The following PCDH15 variants were observed in gnomAD, a reference collection of about 807,000 sequenced individuals.
PCDH15 encodes the protein protocadherin related 15.
Under a neutral mutation model 178.5 loss-of-function variants are expected in PCDH15, and 129 were observed. The ratio of observed to expected loss-of-function variants is 0.72; its 90% CI spans 0.63 to 0.84. PCDH15 has a LOEUF of 0.84. Among genes scored for constraint, PCDH15 ranks in the 40% least tolerant of loss-of-function variants. PCDH15 has a pLI of 0.00. For missense variants in PCDH15, 2,230 were observed against 2,099.9 expected, an observed-to-expected ratio of 1.06 and a Z score of -1.21; for synonymous variants, 800 against 732.0, an observed-to-expected ratio of 1.09 and a Z score of -1.50.
intron 2 of PCDH15, among the ~76,000 whole-genome samples, chr10:55,595,666 C>T (rs569414422): frequency 2.6e-5 from 4 of 152,062 alleles, no homozygotes; most frequent in African/African-American, 7.2e-5. Flanking sequence ...TACCAAGTCA[C>T]GGCAATTTTT....
intron 1 of PCDH15, among the ~76,000 whole-genome samples, chr10:55,234,381 T>C (rs1564917002): frequency 6.6e-6 from 1 of 152,032 alleles, no homozygotes; most frequent in Non-Finnish European, 1.5e-5. Flanking sequence ...ATATGAAAAA[T>C]TTAATGAACC....
In PCDH15 at chr10:55,171,819, GA is replaced by G. The variant is rs751491086; in HGVS notation, c.-155-5169del. Among the ~76,000 whole-genome samples, 54 of 151,166 alleles carry G rather than the reference GA, an allele frequency of 3.6e-4. 1 individual carries two copies. The highest frequency in any genetic ancestry group is 1.2e-3 in the East Asian group (6 of 5,142). ...TAATAAGGATTTGATTAGTGATCTA[GA>G]AAAAAAATGCTATGTTCAAGATGTT... On this transcript the variant is annotated intron_variant, in intron 1 of 5. Coordinates refer to the PCDH15 transcript ENST00000458638.
At chr10:54,914,596 G>A (rs189652388) in intron 2 of PCDH15, among the ~76,000 whole-genome samples, 99 of 152,076 alleles carry the variant, frequency 6.5e-4, no homozygotes, top group Non-Finnish European at 1.1e-3. Context: ...TTAATCTTGC[G>A]CCTTAGTTTT....
At chr10:55,375,121 A>G (rs1382262857) in intron 2 of PCDH15, among the ~76,000 whole-genome samples, 1 of 152,120 alleles carries the variant, frequency 6.6e-6, no homozygotes, top group Non-Finnish European at 1.5e-5. Context: ...CTCTTTTGGT[A>G]ATTGTGTTAT....
At position 55,548,232 on chromosome 10, in the gene PCDH15, A is replaced by G. The variant is rs957495685; in HGVS notation, c.-156+79393T>C. ...AATGCACACACACACACACACACAC[A>G]CACACACACACACACACACACAAAC... is the stretch of plus-strand genomic sequence containing the variant. On this transcript the variant is annotated intron_variant, in intron 2 of 5. Coordinates refer to the PCDH15 transcript ENST00000613346. Among the ~76,000 whole-genome samples, 20 of 151,590 alleles carry G rather than the reference A, an allele frequency of 1.3e-4. No individual in the cohort carries two copies. In the South Asian group the frequency reaches 2.1e-3, roughly 16 times the overall value.
rs1840600856 is a variant in PCDH15 at position 55,031,216 on chromosome 10, C to A, written c.-79-133716G>T. On this transcript the variant is annotated intron_variant, in intron 2 of 5. Coordinates refer to the PCDH15 transcript ENST00000458638. ...TATTTACATGCTGATTCTTAATGAG[C>A]AAATACATCATAATCTGTGTTGTTA... is the stretch of plus-strand genomic sequence containing the variant. 2.0e-5 allele frequency among the ~76,000 whole-genome samples: 3 copies of A among 152,178 alleles called. No homozygotes were observed. In the South Asian group the frequency reaches 6.2e-4, roughly 32 times the overall value.
chr10:54,454,863 C>T (rs1248295431), intron 3 of PCDH15, among the ~76,000 whole-genome samples: 1 of 152,100 alleles, frequency 6.6e-6, no homozygotes, highest in Non-Finnish European at 1.5e-5. Flanking sequence ...TGTTTTATAA[C>T]TTTGATAAGG....
chr10:55,421,126 A>G (rs927105922), intron 2 of PCDH15, among the ~76,000 whole-genome samples: 3 of 151,568 alleles, frequency 2.0e-5, no homozygotes, highest in African/African-American at 7.3e-5. Flanking sequence ...TATGAAGTCA[A>G]AATATATAAG....
intron 8 of PCDH15, among the ~76,000 whole-genome samples, chr10:54,240,888 C>T (rs7068280): frequency 0.75 from 112,990 of 151,510 alleles, 43,325 homozygotes; most frequent in African/African-American, 0.84. Context: ...GCCTTGGCCT[C>T]CCAAAGTGCT....
In PCDH15 at chr10:54,023,125, T is replaced by C. The variant is rs2092976746; in HGVS notation, c.2293A>G (p.Ile765Val). 1.9e-6 allele frequency: 3 copies of C among 1,613,796 alleles called. No homozygotes were observed. The highest frequency in any genetic ancestry group is 2.7e-5 in the African/African-American group (2 of 74,924). Residue 765 changes from isoleucine to valine, a missense_variant, in exon 19 of 38, where the codon ATC (isoleucine) becomes GTC (valine). Ile to Val is a conservative substitution (Grantham distance 29). Transcript: ENST00000644397. Reference protein sequence around the residue: ...SLGNFNNLFRITSNGSIYTAV... With the variant: ...SLGNFNNLFRVTSNGSIYTAV... Reference sequence around the variant, plus strand: ...GTGTAAATGCTCCCATTGGATGTGATACGAAAAAGATTATTAAAGTTACCC... The same window carrying C: ...GTGTAAATGCTCCCATTGGATGTGACACGAAAAAGATTATTAAAGTTACCC...
intron 18 of PCDH15, among the ~76,000 whole-genome samples, chr10:54,040,361 GT>G (rs1249388542): frequency 6.6e-6 from 1 of 151,816 alleles, no homozygotes; most frequent in Admixed American, 6.6e-5. Context: ...TTTATAAGAG[GT>G]TTCCCCTTTG....
chr10:55,056,744 T>C (rs1222205651), intron 2 of PCDH15, among the ~76,000 whole-genome samples: 2 of 151,868 alleles, frequency 1.3e-5, no homozygotes, highest in African/African-American at 4.8e-5. Context: ...GCAATTCTCC[T>C]GCCTCAGCCT....
chr10:54,278,002 CT>C (rs1465854245), intron 8 of PCDH15, among the ~76,000 whole-genome samples: 9 of 151,628 alleles, frequency 5.9e-5, no homozygotes, highest in African/African-American at 2.2e-4. Context: ...AGTTGAATAT[CT>C]ACATCTTTGA....
chr10:54,333,764 G>C (rs1157433483), intron 6 of PCDH15, among the ~76,000 whole-genome samples: 3 of 152,086 alleles, frequency 2.0e-5, no homozygotes, highest in Non-Finnish European at 1.5e-5. Context: ...TTGGGAATCG[G>C]CATTTTTAAC....
intron 2 of PCDH15, among the ~76,000 whole-genome samples, chr10:55,375,065 A>C (rs2131993928): frequency 6.6e-6 from 1 of 152,120 alleles, no homozygotes; most frequent in East Asian, 1.9e-4. Flanking sequence ...CTCACCACAT[A>C]TATGTTGTGT....
In PCDH15 at chr10:54,731,547, T is replaced by TAGATAG. The variant is rs1566067223; in HGVS notation, c.-28-67258_-28-67257insCTATCT. ...ATGAATAAAGAAAATGTGAGATAGA[T>TAGATAG]ATATATATATATATATACACACACA... On this transcript the variant is annotated intron_variant, in intron 1 of 37. Transcript: ENST00000644397. Among the ~76,000 whole-genome samples, 49 of 28,958 alleles carry TAGATAG rather than the reference T, an allele frequency of 1.7e-3. 2 individuals carry two copies. The highest frequency in any genetic ancestry group is 2.7e-3 in the African/African-American group (27 of 9,922). The allele number at this position is 28,958 out of a possible 152,430, so 19.0% of individuals were successfully genotyped here. A position where few individuals can be genotyped will look rare whatever the true frequency, so the allele number is the denominator to read the frequency against.
At chr10:55,429,802 A>C (rs1838840534) in intron 2 of PCDH15, among the ~76,000 whole-genome samples, 1 of 152,182 alleles carries the variant, frequency 6.6e-6, no homozygotes, top group East Asian at 1.9e-4. Context: ...CAGGAATATC[A>C]TGTAATTATT....
intron 3 of PCDH15, among the ~76,000 whole-genome samples, chr10:54,848,708 G>A (rs1406801658): frequency 1.3e-5 from 2 of 152,288 alleles, no homozygotes; most frequent in East Asian, 3.9e-4. Context: ...TCACACCACT[G>A]TTAATAAAAT....
chr10:55,518,949 C>G (rs951471026), intron 2 of PCDH15, among the ~76,000 whole-genome samples: 2 of 151,718 alleles, frequency 1.3e-5, no homozygotes, highest in African/African-American at 4.8e-5. Context: ...AAAAAATTAG[C>G]CTGGCATGGT....
Sources: allele counts gnomAD v4.1 joint callset (sites outside exome capture counted in the v4.1 genomes callset), GRCh38; gene constraint gnomAD v4.1.1; transcripts MANE v1.5; gene names NCBI Gene and HGNC (gene_info 2026-07-23, HGNC 2026-07-21).